Variants in SLC2A13 observed in about 807,000 individuals in gnomAD.
The protein encoded by SLC2A13 is solute carrier family 2 member 13, also known as proton myo-inositol cotransporter.
In SLC2A13, 32 loss-of-function variants were observed where a neutral mutation model predicts 64.4. The ratio of observed to expected loss-of-function variants is 0.50; its 90% CI spans 0.37 to 0.67. The LOEUF is 0.67. Ranked by LOEUF, SLC2A13 falls within the 30% of genes least tolerant of loss-of-function variation. SLC2A13 has a pLI of 0.00. For missense variants in SLC2A13, 743 were observed against 829.2 expected, an observed-to-expected ratio of 0.90 and a Z score of 1.28; for synonymous variants, 338 against 327.1, an observed-to-expected ratio of 1.03 and a Z score of -0.36.
chr12:40,006,838 T>C (rs1592000112), intron 3 of SLC2A13, among the ~76,000 whole-genome samples: 1 of 152,326 alleles, frequency 6.6e-6, no homozygotes, highest in African/African-American at 2.4e-5. Context: ...CAAATACACA[T>C]AACAAATTCA....
chr12:39,971,899 C>T (rs1217496430), intron 3 of SLC2A13, among the ~76,000 whole-genome samples: 1 of 148,614 alleles, frequency 6.7e-6, no homozygotes, highest in Non-Finnish European at 1.5e-5. Context: ...CGCTTGAGCC[C>T]AGGAGGCGGA....
At chr12:39,822,174 G>GT (rs1452078919) in intron 7 of SLC2A13, among the ~76,000 whole-genome samples, 6 of 149,352 alleles carry the variant, frequency 4.0e-5, no homozygotes, top group African/African-American at 1.2e-4. Context: ...GCGGTGTTTG[G>GT]TTTTTTCTTC....
At position 39,840,138 on chromosome 12, in the gene SLC2A13, T is replaced by C. The variant is rs1185929775; in HGVS notation, c.1320-9910A>G. Among the ~76,000 whole-genome samples the C allele has an allele frequency of 2.6e-5, 4 of 152,140 alleles. No individual in the cohort carries two copies. The South Asian group carries it at 6.2e-4, about 24-fold the overall frequency. ...CCTCCGCCTCCTGGGTTTAAGCGAT[T>C]TTCCTGCCTCAGCTTCCTGAGTAGC... On this transcript the variant is annotated intron_variant, in intron 6 of 9. Transcript: ENST00000280871.
At chr12:39,934,063 T>C (rs1002548915) in intron 4 of SLC2A13, among the ~76,000 whole-genome samples, 8 of 152,232 alleles carry the variant, frequency 5.3e-5, no homozygotes, top group African/African-American at 9.6e-5. Flanking sequence ...ATAGTCTGTC[T>C]GATTCTGAAT....
chr12:39,961,610 C>T (rs771736172), intron 3 of SLC2A13, among the ~76,000 whole-genome samples: 3 of 152,044 alleles, frequency 2.0e-5, no homozygotes, highest in African/African-American at 4.8e-5. Flanking sequence ...GCAATCCTCT[C>T]GCCTCAACCT....
At chr12:39,794,516 C>G (rs531857082) in intron 7 of SLC2A13, among the ~76,000 whole-genome samples, 1 of 152,256 alleles carries the variant, frequency 6.6e-6, no homozygotes, top group Non-Finnish European at 1.5e-5. Context: ...AACAAGTAGC[C>G]AAGTCTCAGC....
At chr12:39,932,755 T>C (rs935762975) in intron 4 of SLC2A13, among the ~76,000 whole-genome samples, 2 of 152,064 alleles carry the variant, frequency 1.3e-5, no homozygotes, top group Non-Finnish European at 2.9e-5. Flanking sequence ...CAGAGGAAGA[T>C]CTTTCTAGCA....
chr12:40,013,624 T>C (rs1419468359), intron 3 of SLC2A13, among the ~76,000 whole-genome samples: 2 of 152,232 alleles, frequency 1.3e-5, no homozygotes, highest in Non-Finnish European at 2.9e-5. Flanking sequence ...CAAGAACCAC[T>C]ATCTAAATCT....
intron 4 of SLC2A13, among the ~76,000 whole-genome samples, chr12:39,891,733 G>A (rs1293911076): frequency 6.6e-6 from 1 of 152,138 alleles, no homozygotes. Flanking sequence ...GTTAGTGACA[G>A]GAATAGGCTC....
At position 39,937,251 on chromosome 12, in the gene SLC2A13, G is replaced by A. The variant is rs112568485; in HGVS notation, c.1034+14006C>T. ...AAGCAACCTTTCAAGACAGGTCACA[G>A]CATATGCTTTTAAAGATAAGCAAAA... On this transcript the variant is annotated intron_variant, in intron 4 of 9. Coordinates refer to ENST00000280871, the MANE Select transcript of SLC2A13 (RefSeq NM_052885.4). Among the ~76,000 whole-genome samples the A allele has an allele frequency of 9.0e-3, 1,376 of 152,258 alleles. 11 individuals carry two copies. The highest frequency in any genetic ancestry group is 0.014 in the Middle Eastern group (4 of 294).
intron 7 of SLC2A13, among the ~76,000 whole-genome samples, chr12:39,770,744 C>T (rs914668574): frequency 6.6e-6 from 1 of 152,138 alleles, no homozygotes; most frequent in Non-Finnish European, 1.5e-5. Context: ...TAGTTAACAC[C>T]ACCTTACCCT....
At chr12:39,900,073 G>C (rs1945043394) in intron 4 of SLC2A13, among the ~76,000 whole-genome samples, 2 of 152,140 alleles carry the variant, frequency 1.3e-5, no homozygotes, top group African/African-American at 4.8e-5. Context: ...CATATAAACA[G>C]AACCAAAGAC....
At chr12:39,885,165 G>A (rs1488980162) in intron 4 of SLC2A13, among the ~76,000 whole-genome samples, 1 of 152,220 alleles carries the variant, frequency 6.6e-6, no homozygotes, top group Admixed American at 6.5e-5. Flanking sequence ...AAAGAACTGA[G>A]TGGGGAAGAA....
intron 3 of SLC2A13, among the ~76,000 whole-genome samples, chr12:40,025,626 C>CA (rs1353615207): frequency 6.6e-6 from 1 of 152,150 alleles, no homozygotes; most frequent in Non-Finnish European, 1.5e-5. Flanking sequence ...GTGTCTTAAA[C>CA]AACGTCTTTC....
chr12:40,040,939 TG>T, intron 2 of SLC2A13, among the ~76,000 whole-genome samples: 1 of 151,496 alleles, frequency 6.6e-6, no homozygotes, highest in Non-Finnish European at 1.5e-5. Flanking sequence ...CTTATTGACA[TG>T]GATTTTAAAA....
At chr12:39,810,352 AT>A (rs1383898680) in intron 7 of SLC2A13, among the ~76,000 whole-genome samples, 24 of 152,210 alleles carry the variant, frequency 1.6e-4, no homozygotes, top group African/African-American at 5.5e-4. Context: ...GAAATAAAAT[AT>A]ATTTTTCTAC....
intron 4 of SLC2A13, among the ~76,000 whole-genome samples, chr12:39,895,911 T>TAC (rs1464616447): frequency 1.8e-4 from 27 of 150,132 alleles, no homozygotes; most frequent in African/African-American, 6.3e-4. Context: ...CATATGTATA[T>TAC]GTATGCATAT....
intron 3 of SLC2A13, among the ~76,000 whole-genome samples, chr12:40,024,654 T>C (rs1449839733): frequency 2.6e-5 from 4 of 152,326 alleles, no homozygotes; most frequent in Non-Finnish European, 5.9e-5. Flanking sequence ...TTGTGTGCCT[T>C]ATCCAATGAG....
intron 7 of SLC2A13, among the ~76,000 whole-genome samples, chr12:39,779,646 C>T (rs1940908559): frequency 6.6e-6 from 1 of 152,158 alleles, no homozygotes; most frequent in African/African-American, 2.4e-5. Flanking sequence ...ACATTGTAAG[C>T]CTCAGAGAAG....
Sources: allele counts gnomAD v4.1 joint callset (sites outside exome capture counted in the v4.1 genomes callset), GRCh38; gene constraint gnomAD v4.1.1; transcripts MANE v1.5; gene names NCBI Gene and HGNC (gene_info 2026-07-23, HGNC 2026-07-21).